Variants in MACROD2 observed in about 807,000 individuals in gnomAD.
MACROD2 encodes ADP-ribose glycohydrolase MACROD2.
MACROD2 carries 36 observed loss-of-function variants against 70.4 expected under a neutral mutation model. That is an observed-to-expected ratio of 0.51 (90% CI 0.39 to 0.68). The LOEUF (loss-of-function observed/expected upper bound fraction) is 0.68. Among genes scored for constraint, MACROD2 ranks in the 30% least tolerant of loss-of-function variants. The pLI, the probability that MACROD2 is intolerant of heterozygous loss-of-function variation, is 0.00. For synonymous variants in MACROD2, 172 were observed against 178.8 expected, an observed-to-expected ratio of 0.96 and a Z score of 0.30; for missense variants, 496 against 538.4, an observed-to-expected ratio of 0.92 and a Z score of 0.78.
chr20:15,073,466 AAC>A (rs11468103), intron 5 of MACROD2, among the ~76,000 whole-genome samples: 12,030 of 143,866 alleles, frequency 0.084, 550 homozygotes, highest in African/African-American at 0.13. Context: ...TAATTCTCCC[AAC>A]ACACACACAC....
intron 6 of MACROD2, among the ~76,000 whole-genome samples, chr20:15,334,180 A>G (rs1224902577): frequency 2.0e-5 from 3 of 151,630 alleles, no homozygotes; most frequent in African/African-American, 7.3e-5. Flanking sequence ...TGACTTCTTA[A>G]AGATGTCAAC....
intron 4 of MACROD2, chr20:14,622,025 GC>G (rs1208017381): frequency 6.6e-6 from 1 of 152,076 alleles, no homozygotes; most frequent in Non-Finnish European, 1.5e-5. Flanking sequence ...CTCTGGAAGA[GC>G]TCAAAGAAGG....
intron 15 of MACROD2, among the ~76,000 whole-genome samples, chr20:16,035,137 T>A (rs1483192515): frequency 9.3e-4 from 3 of 3,220 alleles, no homozygotes; most frequent in Non-Finnish European, 9.5e-3. Context: ...TATTATATAT[T>A]ATATATTATA....
chr20:14,567,165 G>T (rs1979866153), intron 4 of MACROD2, among the ~76,000 whole-genome samples: 1 of 151,814 alleles, frequency 6.6e-6, no homozygotes, highest in Non-Finnish European at 1.5e-5. Context: ...TTAAAAATTA[G>T]AAAGCATTAG....
chr20:14,682,555 G>A (rs2070946439), intron 4 of MACROD2, among the ~76,000 whole-genome samples: 1 of 151,784 alleles, frequency 6.6e-6, no homozygotes, highest in Non-Finnish European at 1.5e-5. Flanking sequence ...CATACTATAT[G>A]TACTTTTCTA....
At chr20:15,036,840 C>T (rs772839131) in intron 5 of MACROD2, among the ~76,000 whole-genome samples, 42 of 151,498 alleles carry the variant, frequency 2.8e-4, no homozygotes, top group East Asian at 7.7e-4. Flanking sequence ...AAACCCAAAG[C>T]GTCTCTTCTT....
chr20:15,211,649 C>T (rs1401140114), intron 5 of MACROD2, among the ~76,000 whole-genome samples: 2 of 152,114 alleles, frequency 1.3e-5, no homozygotes, highest in Non-Finnish European at 2.9e-5. Flanking sequence ...ACTAGCTCCC[C>T]TTTGCCTTCC....
chr20:15,278,694 T>G (rs1254196125), intron 6 of MACROD2, among the ~76,000 whole-genome samples: 1 of 152,218 alleles, frequency 6.6e-6, no homozygotes, highest in African/African-American at 2.4e-5. Context: ...TGGTGTTCTA[T>G]AAACACATAT....
At chr20:14,237,640 C>CA (rs2081889255) in intron 3 of MACROD2, among the ~76,000 whole-genome samples, 1 of 151,628 alleles carries the variant, frequency 6.6e-6, no homozygotes, top group Admixed American at 6.6e-5. Flanking sequence ...GTGCTGCACC[C>CA]ATTAACTTGT....
chr20:15,752,584 C>T (rs1482120250), intron 8 of MACROD2, among the ~76,000 whole-genome samples: 5 of 152,222 alleles, frequency 3.3e-5, no homozygotes, highest in South Asian at 2.1e-4. Flanking sequence ...GTTGGTGATT[C>T]GCTCACTATG....
intron 8 of MACROD2, among the ~76,000 whole-genome samples, chr20:15,618,037 T>C (rs976061285): frequency 5.9e-5 from 9 of 151,502 alleles, no homozygotes; most frequent in African/African-American, 2.2e-4. Context: ...TGGGGGGTTT[T>C]TGATGTGTTA....
intron 8 of MACROD2, among the ~76,000 whole-genome samples, chr20:15,542,170 G>T (rs2146569212): frequency 6.6e-6 from 1 of 152,304 alleles, no homozygotes; most frequent in South Asian, 2.1e-4. Context: ...AAGATTGTTG[G>T]AGTCAGATCG....
At chr20:15,203,220 A>T (rs966417726) in intron 5 of MACROD2, among the ~76,000 whole-genome samples, 1 of 152,180 alleles carries the variant, frequency 6.6e-6, no homozygotes, top group Non-Finnish European at 1.5e-5. Flanking sequence ...AAATTAGTAT[A>T]ATTTTTAACA....
At chr20:14,519,748 A>C (rs757337161) in intron 4 of MACROD2, among the ~76,000 whole-genome samples, 1 of 152,210 alleles carries the variant, frequency 6.6e-6, no homozygotes, top group Non-Finnish European at 1.5e-5. Context: ...TTGTCCTAAC[A>C]TAAAGACACA....
In MACROD2 at chr20:14,314,524, G is replaced by T. The variant is rs2082596384; in HGVS notation, c.272-178955G>T. Among the ~76,000 whole-genome samples, 2 of 152,182 alleles carry T rather than the reference G, an allele frequency of 1.3e-5. 1 individual carries two copies. Among genetic ancestry groups the T allele is most frequent in the Admixed American group, 1.3e-4 (2 of 15,286 alleles). ...GCCTGTAATCCCAACACTTTGGGAG[G>T]CCGAGGTGGGTGGATCACCTGAGGT... On this transcript the variant is annotated intron_variant, in intron 3 of 17. Transcript: ENST00000684519.
Position 15,241,190 on chromosome 20 carries a change from G to A in MACROD2, c.540+11129G>A, listed in dbSNP as rs574410710. Among the ~76,000 whole-genome samples, 7 of 152,318 alleles carry A rather than the reference G, an allele frequency of 4.6e-5. No homozygotes were observed. In the South Asian group the frequency reaches 1.5e-3, roughly 32 times the overall value. On this transcript the variant is annotated intron_variant, in intron 6 of 17. Transcript: ENST00000684519. The stretch of plus-strand genomic sequence containing the variant: ...GTGAGGCTATAAAGAAGGAATATTT[G>A]TAAAGTTCTCAGTAGATTACATAGC...
At chr20:14,490,072 C>T (rs2084777991) in intron 3 of MACROD2, among the ~76,000 whole-genome samples, 1 of 151,994 alleles carries the variant, frequency 6.6e-6, no homozygotes, top group Admixed American at 6.6e-5. Flanking sequence ...TTGAAAACTG[C>T]CGTGATCATT....
At chr20:15,944,018 G>T (rs1018886442) in intron 12 of MACROD2, among the ~76,000 whole-genome samples, 9 of 151,972 alleles carry the variant, frequency 5.9e-5, no homozygotes, top group Non-Finnish European at 8.8e-5. Flanking sequence ...GATTTTATTG[G>T]TGTCATAATA....
intron 3 of MACROD2, among the ~76,000 whole-genome samples, chr20:14,344,023 C>T (rs1280117129): frequency 6.6e-6 from 1 of 151,790 alleles, no homozygotes; most frequent in African/African-American, 2.4e-5. Flanking sequence ...ATTTTTTTTT[C>T]TGGAAACTGG....
Sources: allele counts gnomAD v4.1 joint callset (sites outside exome capture counted in the v4.1 genomes callset), GRCh38; gene constraint gnomAD v4.1.1; transcripts MANE v1.5; gene names NCBI Gene and HGNC (gene_info 2026-07-23, HGNC 2026-07-21).